SEMA3D: variants seen among roughly 807,000 people sequenced by gnomAD.
SEMA3D encodes semaphorin-3D.
In SEMA3D, 84 loss-of-function variants were observed where a neutral mutation model predicts 100.1. That is an observed-to-expected ratio of 0.84 (90% confidence interval 0.70 to 1.01). The LOEUF (loss-of-function observed/expected upper bound fraction) is 1.01, where lower values mean the gene tolerates loss of function less well. Ranked by LOEUF, SEMA3D falls within the 50% of genes least tolerant of loss-of-function variation. The pLI is 0.00. For synonymous variants in SEMA3D, 312 were observed against 320.7 expected (o/e 0.97, Z 0.29); for missense variants, 875 against 934.1 (o/e 0.94, Z 0.82).
At chr7:85,226,693 T>G in the SEMA3D span, among the ~76,000 whole-genome samples, 1 of 151,990 alleles carries the variant, frequency 6.6e-6, no homozygotes, top group Non-Finnish European at 1.5e-5. Flanking sequence ...TTTTTTTTTT[T>G]GTTAGTCTTC....
chr7:85,157,608 C>T, intron 1 of SEMA3D: 8 of 930,230 alleles, frequency 8.6e-6, no homozygotes, highest in Non-Finnish European at 1.0e-5. Context: ...TTTTGCAAGG[C>T]TTATAAGTAA....
chr7:85,144,726 C>T, intron 2 of SEMA3D: 1 of 962,340 alleles, frequency 1.0e-6, no homozygotes, highest in Admixed American at 6.2e-5. Context: ...CCCCTTGCCT[C>T]TAGTATGATA....
intron 4 of SEMA3D, among the ~76,000 whole-genome samples, chr7:85,089,595 C>G (rs532374279): frequency 6.6e-6 from 1 of 152,224 alleles, no homozygotes; most frequent in Non-Finnish European, 1.5e-5. Flanking sequence ...ATATGTATTG[C>G]AAGGCCGGGT....
chr7:85,129,303 C>T (rs533710232), intron 2 of SEMA3D, among the ~76,000 whole-genome samples: 25 of 152,092 alleles, frequency 1.6e-4, no homozygotes, highest in East Asian at 5.8e-4. Context: ...TACATAGGAA[C>T]GACAGATAAA....
chr7:85,116,051 C>CCAATG, intron 3 of SEMA3D, among the ~76,000 whole-genome samples: 1 of 151,420 alleles, frequency 6.6e-6, no homozygotes, highest in Middle Eastern at 3.4e-3. Flanking sequence ...TTGTATTTAC[C>CCAATG]CAATGACTCA....
chr7:85,161,494 G>T (rs984741568), intron 1 of SEMA3D, among the ~76,000 whole-genome samples: 1 of 152,018 alleles, frequency 6.6e-6, no homozygotes, highest in African/African-American at 2.4e-5. Flanking sequence ...GAAAAACCCA[G>T]GCACCCATGG....
intron 5 of SEMA3D, among the ~76,000 whole-genome samples, chr7:85,079,456 G>C (rs1438730335): frequency 6.6e-6 from 1 of 152,134 alleles, no homozygotes; most frequent in African/African-American, 2.4e-5. Flanking sequence ...AAAGGTTAGA[G>C]GTGGTTACTA....
chr7:85,191,087 G>A (rs1584003054), upstream of SEMA3D, among the ~76,000 whole-genome samples: 1 of 152,010 alleles, frequency 6.6e-6, no homozygotes, highest in East Asian at 1.9e-4. Context: ...GCTGGGTTGG[G>A]GTGTGGTGAA....
At chr7:85,149,238 A>C (rs1790297222) in intron 2 of SEMA3D, among the ~76,000 whole-genome samples, 1 of 151,802 alleles carries the variant, frequency 6.6e-6, no homozygotes, top group African/African-American at 2.4e-5. Flanking sequence ...TGATGTCAGG[A>C]GTTCAAGACC....
intron 2 of SEMA3D, among the ~76,000 whole-genome samples, chr7:85,139,672 G>T (rs1376019450): frequency 6.6e-6 from 1 of 151,914 alleles, no homozygotes; most frequent in East Asian, 1.9e-4. Context: ...ATTATTTTAT[G>T]TCTCACTAAG....
intron 9 of SEMA3D, among the ~76,000 whole-genome samples, chr7:85,048,437 G>T (rs1369058881): frequency 6.6e-6 from 1 of 151,730 alleles, no homozygotes; most frequent in African/African-American, 2.4e-5. Context: ...ACCATGACAT[G>T]GTAGAAACAA....
At chr7:85,035,460 A>T (rs1022737150) in intron 12 of SEMA3D, among the ~76,000 whole-genome samples, 1 of 152,064 alleles carries the variant, frequency 6.6e-6, no homozygotes, top group Admixed American at 6.6e-5. Context: ...TAAGGACGTT[A>T]TGTTGAGTGA....
At chr7:85,218,602 G>A in the SEMA3D span, among the ~76,000 whole-genome samples, 1 of 151,932 alleles carries the variant, frequency 6.6e-6, no homozygotes, top group African/African-American at 2.4e-5. Flanking sequence ...TTTTATTTGT[G>A]TTTGCATTAT....
chr7:85,110,974 G>T (rs1769579929), intron 3 of SEMA3D, among the ~76,000 whole-genome samples: 1 of 151,942 alleles, frequency 6.6e-6, no homozygotes, highest in Non-Finnish European at 1.5e-5. Context: ...TTACTTTTTA[G>T]TTGTCATCTC....
At chr7:85,225,976 A>G in the SEMA3D span, among the ~76,000 whole-genome samples, 76 of 152,352 alleles carry the variant, frequency 5.0e-4, no homozygotes, top group African/African-American at 1.8e-3. Flanking sequence ...TAAAGCCTCC[A>G]CATTGCACTA....
intron 7 of SEMA3D, among the ~76,000 whole-genome samples, chr7:85,066,187 A>G (rs1340716436): frequency 6.6e-6 from 1 of 152,150 alleles, no homozygotes; most frequent in Non-Finnish European, 1.5e-5. Context: ...TGTAAAGTAC[A>G]TGTTCTGTTT....
intron 3 of SEMA3D, among the ~76,000 whole-genome samples, chr7:85,099,175 C>G (rs1226617597): frequency 1.3e-5 from 2 of 151,970 alleles, no homozygotes; most frequent in African/African-American, 4.8e-5. Flanking sequence ...TATGGTTTGG[C>G]TGTGTCCCCA....
chr7:85,220,501 T>G, the SEMA3D span, among the ~76,000 whole-genome samples: 1 of 152,000 alleles, frequency 6.6e-6, no homozygotes, highest in Non-Finnish European at 1.5e-5. Context: ...TCGGGAGAAC[T>G]GATAGTGGTC....
At chr7:85,242,739 T>C in the SEMA3D span, among the ~76,000 whole-genome samples, 1 of 152,198 alleles carries the variant, frequency 6.6e-6, no homozygotes, top group Non-Finnish European at 1.5e-5. Flanking sequence ...GTATAAACAT[T>C]AAGAATTAAC....
Sources: allele counts gnomAD v4.1 joint callset (sites outside exome capture counted in the v4.1 genomes callset), GRCh38; gene constraint gnomAD v4.1.1; transcripts MANE v1.5; gene names NCBI Gene and HGNC (gene_info 2026-07-23, HGNC 2026-07-21).